Variants in SGTB observed in about 807,000 individuals in gnomAD.
SGTB encodes small glutamine-rich tetratricopeptide repeat-containing protein beta.
A neutral mutation model predicts 43.9 loss-of-function variants in SGTB; 19 were observed. The observed-to-expected ratio is 0.43, with a 90% CI of 0.30 to 0.63. The LOEUF is 0.63. SGTB is among the 30% of genes least tolerant of loss of function. The probability of loss-of-function intolerance (pLI) is 0.12; values close to 1 mark genes in which losing one functional copy is unlikely to be tolerated. For synonymous variants in SGTB, 116 were observed against 117.3 expected (o/e 0.99, Z 0.07); for missense variants, 304 against 358.9 (o/e 0.85, Z 1.24).
intron 5 of SGTB, among the ~76,000 whole-genome samples, chr5:65,694,722 C>T (rs1364372826): frequency 6.6e-6 from 1 of 152,050 alleles, no homozygotes. Flanking sequence ...AGGTGATTCA[C>T]CCACCTCGGC....
chr5:65,714,552 C>A (rs568967097), intron 2 of SGTB, among the ~76,000 whole-genome samples: 3 of 152,158 alleles, frequency 2.0e-5, no homozygotes, highest in African/African-American at 7.2e-5. Context: ...CGGTGGCTCA[C>A]GCCTATAATC....
intron 1 of SGTB, among the ~76,000 whole-genome samples, chr5:65,721,454 C>A (rs1036698341): frequency 5.9e-5 from 9 of 152,258 alleles, no homozygotes; most frequent in Admixed American, 5.9e-4. Context: ...CTCTCGTGGA[C>A]AAGCTGGAAG....
At chr5:65,681,812 T>C (rs1353443790) in intron 6 of SGTB, among the ~76,000 whole-genome samples, 3 of 151,906 alleles carry the variant, frequency 2.0e-5, no homozygotes, top group Non-Finnish European at 4.4e-5. Flanking sequence ...CTGTCTCTAC[T>C]AAAAATACAA....
At chr5:65,683,677 T>G (rs115902330) in intron 6 of SGTB, among the ~76,000 whole-genome samples, 2,246 of 131,720 alleles carry the variant, frequency 0.017, 53 homozygotes, top group African/African-American at 0.061. Flanking sequence ...GACAATAAGT[T>G]AATAGTGGCC....
intron 4 of SGTB, among the ~76,000 whole-genome samples, chr5:65,706,252 GT>G (rs1757930725): frequency 1.3e-5 from 2 of 152,000 alleles, no homozygotes; most frequent in South Asian, 4.1e-4. Flanking sequence ...GGTTAACATT[GT>G]TTTTTATGAA....
intron 5 of SGTB, 99 bp from the exon 6 acceptor site, chr5:65,685,571 G>T: frequency 1.2e-6 from 1 of 845,780 alleles, no homozygotes; most frequent in Non-Finnish European, 1.9e-6. Flanking sequence ...GTTCCAATTT[G>T]TAGATCACTC....
At chr5:65,712,856 G>A in intron 3 of SGTB, 105 bp downstream of exon 3, 1 of 750,416 alleles carries the variant, frequency 1.3e-6, no homozygotes, top group Middle Eastern at 2.4e-4. Flanking sequence ...CTTATATACA[G>A]GATGAAGTTA....
At chr5:65,684,295 G>A (rs573942114) in intron 6 of SGTB, among the ~76,000 whole-genome samples, 1 of 152,082 alleles carries the variant, frequency 6.6e-6, no homozygotes, top group African/African-American at 2.4e-5. Context: ...TGTTGCCCAG[G>A]CTGGTCTTGA....
At chr5:65,670,460 T>C in intron 10 of SGTB, 103 bp from the exon 11 acceptor site, 1 of 880,406 alleles carries the variant, frequency 1.1e-6, no homozygotes, top group Non-Finnish European at 1.8e-6. Flanking sequence ...AGGGGGCTTT[T>C]TTCTATAAAA....
intron 8 of SGTB, among the ~76,000 whole-genome samples, chr5:65,673,328 T>G (rs1292708893): frequency 5.9e-5 from 9 of 152,312 alleles, no homozygotes; most frequent in Admixed American, 5.9e-4. Flanking sequence ...CATTGACTGC[T>G]TTGTTTCCTA....
chr5:65,702,622 G>A (rs1293293179), intron 5 of SGTB, among the ~76,000 whole-genome samples: 1 of 152,180 alleles, frequency 6.6e-6, no homozygotes, highest in Admixed American at 6.5e-5. Context: ...GGACAGGGGA[G>A]CTCTCCAGAG....
chr5:65,684,563 T>G (rs1757460632), intron 6 of SGTB, among the ~76,000 whole-genome samples: 1 of 151,864 alleles, frequency 6.6e-6, no homozygotes, highest in Non-Finnish European at 1.5e-5. Context: ...GAATGCTTCT[T>G]TTTTTTTGAG....
intron 5 of SGTB, among the ~76,000 whole-genome samples, chr5:65,696,886 G>T (rs1347820890): frequency 6.6e-6 from 1 of 152,176 alleles, no homozygotes; most frequent in East Asian, 1.9e-4. Context: ...TCATGCTTAA[G>T]AAATGTGCCA....
chr5:65,713,041 C>G lies in SGTB; in HGVS notation c.124G>C (p.Val42Leu). 6.2e-7 allele frequency: 1 copy of G among 1,613,074 alleles called. No homozygotes were observed. The highest frequency in any genetic ancestry group is 8.5e-7 in the Non-Finnish European group (1 of 1,179,652). ...LEVAIQCLET[V>L]FKISPEDTHL... ...GTATCTTCTGGGCTGATCTTAAAAA[C>G]TGTCTCCAAGCACTGAATTGCAACT... is the stretch of plus-strand genomic sequence containing the variant. Residue 42 changes from valine to leucine, a missense_variant, in exon 3 of 11, where the codon GTT (valine) becomes CTT (leucine). Physicochemically the swap from Val to Leu is conservative, Grantham distance 32. Transcript: ENST00000381007.
chr5:65,696,414 G>A (rs748758154), intron 5 of SGTB, among the ~76,000 whole-genome samples: 10 of 152,160 alleles, frequency 6.6e-5, no homozygotes, highest in Non-Finnish European at 1.5e-4. Context: ...ATCCAAAACT[G>A]TTGTTCATTT....
chr5:65,704,248 T>A lies in SGTB; in HGVS notation c.374+31A>T, dbSNP rs776875266. On this transcript the variant is annotated intron_variant, in intron 5 of 10. Coordinates refer to ENST00000381007, the MANE Select transcript of SGTB (RefSeq NM_019072.3). Reference sequence around the variant, plus strand: ...AGCTATTAATCTAAATGTTTAAGAATTGCAAACCTGCCACAATAGTGCTAG... The same window carrying A: ...AGCTATTAATCTAAATGTTTAAGAAATGCAAACCTGCCACAATAGTGCTAG... 4.0e-6 allele frequency: 6 copies of A among 1,490,488 alleles called. No individual in the cohort carries two copies. In the Admixed American group the frequency reaches 1.2e-4, roughly 30 times the overall value. 92.3% of individuals were successfully genotyped at this position (1,490,488 alleles called of 1,614,324 possible). A position where few individuals can be genotyped will look rare whatever the true frequency, so the allele number is the denominator to read the frequency against.
intron 3 of SGTB, among the ~76,000 whole-genome samples, chr5:65,712,160 A>G (rs149101729): frequency 6.6e-6 from 1 of 152,300 alleles, no homozygotes; most frequent in African/African-American, 2.4e-5. Flanking sequence ...CCAGCTACTC[A>G]CGAGTCTAAG....
At chr5:65,696,631 G>A (rs1757720583) in intron 5 of SGTB, among the ~76,000 whole-genome samples, 1 of 152,110 alleles carries the variant, frequency 6.6e-6, no homozygotes, top group African/African-American at 2.4e-5. Flanking sequence ...CCCTTCACCT[G>A]AAGAAATAAA....
chr5:65,695,096 G>A (rs899864391), intron 5 of SGTB, among the ~76,000 whole-genome samples: 3 of 152,170 alleles, frequency 2.0e-5, no homozygotes, highest in Non-Finnish European at 4.4e-5. Context: ...CAGAAGACAG[G>A]AGTGGGGAGT....
Sources: allele counts gnomAD v4.1 joint callset (sites outside exome capture counted in the v4.1 genomes callset), GRCh38; gene constraint gnomAD v4.1.1; transcripts MANE v1.5; gene names NCBI Gene and HGNC (gene_info 2026-07-23, HGNC 2026-07-21).